Variants in NDUFAF2 observed in about 807,000 individuals in gnomAD.
NDUFAF2 encodes NADH dehydrogenase [ubiquinone] 1 alpha subcomplex assembly factor 2.
A neutral mutation model predicts 22.8 loss-of-function variants in NDUFAF2; 13 were observed. That is an observed-to-expected ratio of 0.57 (90% CI 0.37 to 0.91). The LOEUF (loss-of-function observed/expected upper bound fraction) is 0.91. NDUFAF2 is among the 40% of genes least tolerant of loss of function. The pLI, the probability that NDUFAF2 is intolerant of heterozygous loss-of-function variation, is 0.01. For synonymous variants in NDUFAF2, 53 were observed against 64.2 expected (o/e 0.83, Z 0.84); for missense variants, 162 against 195.2 (o/e 0.83, Z 1.01).
At chr5:60,979,331 G>T (rs1750945209) in intron 1 of NDUFAF2, among the ~76,000 whole-genome samples, 1 of 152,182 alleles carries the variant, frequency 6.6e-6, no homozygotes, top group Non-Finnish European at 1.5e-5. Flanking sequence ...CTCAGCCACA[G>T]CAGGGTAGAG....
intron 3 of NDUFAF2, among the ~76,000 whole-genome samples, chr5:61,104,081 C>A (rs565784935): frequency 6.6e-6 from 1 of 152,140 alleles, no homozygotes; most frequent in East Asian, 1.9e-4. Context: ...GTATCAAATG[C>A]ATTTTGACTT....
At chr5:61,009,762 C>T (rs1167409713) in intron 1 of NDUFAF2, among the ~76,000 whole-genome samples, 1 of 151,992 alleles carries the variant, frequency 6.6e-6, no homozygotes, top group Non-Finnish European at 1.5e-5. Context: ...ATCCATTCTC[C>T]CTATGTTCTG....
intron 1 of NDUFAF2, among the ~76,000 whole-genome samples, chr5:61,013,019 A>G (rs1254831207): frequency 1.3e-5 from 2 of 152,128 alleles, no homozygotes; most frequent in Non-Finnish European, 2.9e-5. Context: ...ATAGCATGAC[A>G]GGGCAATTTC....
chr5:60,952,993 G>A (rs1750568336), intron 1 of NDUFAF2, among the ~76,000 whole-genome samples: 1 of 152,036 alleles, frequency 6.6e-6, no homozygotes, highest in Non-Finnish European at 1.5e-5. Flanking sequence ...CCCCCAAGTG[G>A]CCTAATATAT....
At chr5:61,011,946 C>T (rs1751447702) in intron 1 of NDUFAF2, among the ~76,000 whole-genome samples, 1 of 152,114 alleles carries the variant, frequency 6.6e-6, no homozygotes, top group Non-Finnish European at 1.5e-5. Context: ...ATGCTTCTAG[C>T]TCCATTAATC....
intron 2 of NDUFAF2, among the ~76,000 whole-genome samples, chr5:61,097,937 G>A (rs1252687598): frequency 6.6e-6 from 1 of 152,114 alleles, no homozygotes; most frequent in Admixed American, 6.5e-5. Context: ...TTGTAGTGAA[G>A]AGTGAATCAA....
intron 3 of NDUFAF2, among the ~76,000 whole-genome samples, chr5:61,119,593 T>C (rs1168124370): frequency 1.3e-5 from 2 of 152,176 alleles, no homozygotes; most frequent in Non-Finnish European, 2.9e-5. Flanking sequence ...ATTTTTTTAT[T>C]TACCTACTAG....
intron 1 of NDUFAF2, among the ~76,000 whole-genome samples, chr5:61,000,984 A>G (rs765471901): frequency 6.6e-6 from 1 of 152,058 alleles, no homozygotes; most frequent in Non-Finnish European, 1.5e-5. Flanking sequence ...TTTCTGCTCC[A>G]CTTCTTTCTC....
chr5:61,050,975 G>A (rs1752017410), intron 1 of NDUFAF2, among the ~76,000 whole-genome samples: 1 of 152,168 alleles, frequency 6.6e-6, no homozygotes, highest in Non-Finnish European at 1.5e-5. Context: ...CAATCAGACT[G>A]AGAATATTTG....
chr5:61,096,454 C>A (rs904516727), intron 2 of NDUFAF2, among the ~76,000 whole-genome samples: 1 of 151,946 alleles, frequency 6.6e-6, no homozygotes, highest in South Asian at 2.1e-4. Context: ...CAAAAATTAG[C>A]TGGGCGTGGT....
intron 1 of NDUFAF2, among the ~76,000 whole-genome samples, chr5:60,966,735 T>G (rs1750762615): frequency 6.6e-6 from 1 of 152,092 alleles, no homozygotes; most frequent in Non-Finnish European, 1.5e-5. Context: ...CCATGTTGTT[T>G]AGCTACTTTA....
At chr5:61,116,379 C>T (rs1271933301) in intron 3 of NDUFAF2, 1 of 152,002 alleles carries the variant, frequency 6.6e-6, no homozygotes, top group Non-Finnish European at 1.5e-5. Flanking sequence ...TTACTACAGT[C>T]ATGAAATGAG....
At chr5:61,033,743 G>A (rs554297925) in intron 1 of NDUFAF2, among the ~76,000 whole-genome samples, 5 of 151,884 alleles carry the variant, frequency 3.3e-5, no homozygotes, top group Non-Finnish European at 7.4e-5. Context: ...TTAGAAGTCC[G>A]AACAGGGATA....
chr5:61,092,442 T>G lies in NDUFAF2; in HGVS notation c.218-6550T>G, dbSNP rs558399057. 2.6e-5 allele frequency among the ~76,000 whole-genome samples: 4 copies of G among 152,036 alleles called. No individual in the cohort carries two copies. In the South Asian group the frequency reaches 8.3e-4, roughly 32 times the overall value. On this transcript the variant is annotated intron_variant, in intron 2 of 3. Coordinates refer to ENST00000296597, the MANE Select transcript of NDUFAF2 (RefSeq NM_174889.5). ...TCGAGATCTTTCACCTCCACTGTAT[T>G]CCTAGGTACTTAATTCTTTTTGTGG...
intron 1 of NDUFAF2, among the ~76,000 whole-genome samples, chr5:60,971,644 G>A (rs1341015037): frequency 2.1e-5 from 3 of 140,678 alleles, no homozygotes; most frequent in African/African-American, 2.7e-5. Flanking sequence ...CCCGGTGTGT[G>A]GTGTTCCCCA....
At chr5:61,068,815 A>G (rs1752260529) in intron 1 of NDUFAF2, among the ~76,000 whole-genome samples, 1 of 152,086 alleles carries the variant, frequency 6.6e-6, no homozygotes, top group African/African-American at 2.4e-5. Context: ...TATTTTACCA[A>G]CCGAAATGTC....
At chr5:61,053,397 C>G (rs1056759492) in intron 1 of NDUFAF2, among the ~76,000 whole-genome samples, 3 of 152,304 alleles carry the variant, frequency 2.0e-5, no homozygotes, top group Non-Finnish European at 4.4e-5. Context: ...TGCACCATCT[C>G]CATAACATGA....
chr5:61,135,439 C>T (rs532083297), intron 3 of NDUFAF2, among the ~76,000 whole-genome samples: 1 of 152,114 alleles, frequency 6.6e-6, no homozygotes, highest in African/African-American at 2.4e-5. Context: ...GTTTGAGCAT[C>T]AAAAATAGAA....
At chr5:60,992,655 T>C (rs1397948920) in intron 1 of NDUFAF2, among the ~76,000 whole-genome samples, 1 of 152,212 alleles carries the variant, frequency 6.6e-6, no homozygotes, top group Admixed American at 6.5e-5. Flanking sequence ...TATTTATTGC[T>C]CATTAATGTC....
Sources: gnomAD v4.1 joint callset for allele counts (sites outside exome capture counted in the v4.1 genomes callset) on GRCh38, gnomAD v4.1.1 for gene constraint, MANE v1.5 for transcripts, NCBI Gene and HGNC (gene_info 2026-07-23, HGNC 2026-07-21) for gene names.